CAD: variants seen among roughly 807,000 people sequenced by gnomAD.
CAD encodes the protein multifunctional protein CAD.
Under a neutral mutation model 237.2 loss-of-function variants are expected in CAD, and 81 were observed. The ratio of observed to expected loss-of-function variants is 0.34; its 90% CI spans 0.29 to 0.41. The LOEUF is 0.41. Among genes scored for constraint, CAD ranks in the 10% least tolerant of loss-of-function variants. CAD has a pLI of 1.00. For missense variants in CAD, 2,181 were observed against 2,951.7 expected (o/e 0.74, Z 6.05); for synonymous variants, 1,196 against 1,162.8 (o/e 1.03, Z -0.58).
chr2:27,234,932 A>G (rs1286651820), intron 23 of CAD, among the ~76,000 whole-genome samples: 2 of 152,234 alleles, frequency 1.3e-5, no homozygotes, highest in Admixed American at 6.5e-5. Flanking sequence ...ACCTGTAAAC[A>G]GAATGCTGCA....
rs772879200 is a variant in CAD at position 27,241,423 on chromosome 2, C to T, written c.5883+27C>T. Reference sequence around the variant, plus strand: ...TCAGGATCAGGGCCGGGGGTAGGGTCCAGGCCATCGCCTGCCCTTGGGCCG... The same window carrying T: ...TCAGGATCAGGGCCGGGGGTAGGGTTCAGGCCATCGCCTGCCCTTGGGCCG... On this transcript the variant is annotated intron_variant, in intron 38 of 43. Coordinates refer to ENST00000264705, the MANE Select transcript of CAD (RefSeq NM_004341.5). The surrounding 1 kb of genome is among the most constrained non-coding windows in gnomAD (Gnocchi z 4.6). 3.5e-5 allele frequency: 56 copies of T among 1,611,214 alleles called. No individual in the cohort carries two copies. Among genetic ancestry groups the T allele is most frequent in the Non-Finnish European group, 4.3e-5 (51 of 1,177,506 alleles).
rs61737363 is a variant in CAD, at chr2:27,226,572, G to A, written c.2079G>A (p.Leu693=). Residue 693 remains leucine, a synonymous_variant, in exon 14 of 44, where the codon CTG becomes CTA. Transcript: ENST00000264705. The part of the protein sequence containing the change: ...VNARLSRSSA[L]ASKATGYPLA... ...CCAGGCTCTCTCGCAGCTCTGCCCT[G>A]GCCAGTAAGGCCACAGGTTATCCAC... 2,558 of 1,614,100 alleles carry A rather than the reference G, an allele frequency of 1.6e-3. 35 individuals carry two copies. The African/African-American group carries it at 0.03, about 19-fold the overall frequency.
At chr2:27,234,942 A>G (rs1334096005) in intron 23 of CAD, among the ~76,000 whole-genome samples, 2 of 152,238 alleles carry the variant, frequency 1.3e-5, no homozygotes, top group African/African-American at 2.4e-5. Flanking sequence ...AGAATGCTGC[A>G]GGAGTTCAAG....
At chr2:27,220,802 C>G (rs1413183002) in intron 2 of CAD, among the ~76,000 whole-genome samples, 1 of 151,848 alleles carries the variant, frequency 6.6e-6, no homozygotes, top group Non-Finnish European at 1.5e-5. Context: ...ACTAAAAATA[C>G]AAAAAATTAG....
chr2:27,225,148 A>G lies in CAD; in HGVS notation c.1525A>G (p.Ile509Val), dbSNP rs1675371524. Reference sequence around the variant, plus strand: ...GGTCCTGGGCACACCAGTGGAGACCATTGAGCTGACCGAGGATCGACGGGC... The same window carrying G: ...GGTCCTGGGCACACCAGTGGAGACCGTTGAGCTGACCGAGGATCGACGGGC... ...VRVLGTPVETIELTEDRRAFA... is the reference protein window; with the variant it reads ...VRVLGTPVETVELTEDRRAFA... The change falls in exon 11 of 44, where the codon ATT (isoleucine) becomes GTT (valine). Residue 509 changes from isoleucine to valine, a missense_variant. By Grantham distance (29) the Ile-to-Val change is conservative (BLOSUM62 3). Coordinates refer to ENST00000264705, the MANE Select transcript of CAD (RefSeq NM_004341.5). 5 of 1,614,172 alleles carry G rather than the reference A, an allele frequency of 3.1e-6. No individual in the cohort carries two copies. The highest frequency in any genetic ancestry group is 2.2e-5 in the East Asian group (1 of 44,892).
At chr2:27,223,799 A>T in intron 7 of CAD, 51 bp downstream of exon 7, 1 of 1,599,514 alleles carries the variant, frequency 6.3e-7, no homozygotes, top group Non-Finnish European at 8.6e-7. Context: ...GTGGGCCTTG[A>T]TGATGGAAAA....
Position 27,242,214 on chromosome 2 carries a change from C to G in CAD, c.6097-88C>G. 1.3e-6 allele frequency: 2 copies of G among 1,583,002 alleles called. No individual in the cohort carries two copies. Among genetic ancestry groups the G allele is most frequent in the Non-Finnish European group, 8.6e-7 (1 of 1,160,986 alleles). The stretch of plus-strand genomic sequence containing the variant: ...TGCCCACGTTTTCTGTGTTTTGGGC[C>G]AGATGAGTGAGGGGACCCCAGAAGA... On this transcript the variant is annotated intron_variant, in intron 39 of 43. Coordinates refer to ENST00000264705, the MANE Select transcript of CAD (RefSeq NM_004341.5). This position sits in a 1 kb window ranked among gnomAD's most constrained non-coding sequence, Gnocchi z 6.4.
At position 27,233,989 on chromosome 2, in the gene CAD, G is replaced by C. The variant is rs777577425; in HGVS notation, c.3400-19G>C. 4 of 1,609,556 alleles carry C rather than the reference G, an allele frequency of 2.5e-6. No individual in the cohort carries two copies. Among genetic ancestry groups the C allele is most frequent in the Non-Finnish European group, 3.4e-6 (4 of 1,176,880 alleles). On this transcript the variant is annotated intron_variant, in intron 21 of 43. Coordinates refer to ENST00000264705, the MANE Select transcript of CAD (RefSeq NM_004341.5). The surrounding 1 kb of genome is among the most constrained non-coding windows in gnomAD (Gnocchi z 6.3). ...GAAGAAAGTGGCCCTATGTCCCACT[G>C]TCTGTGTCCCCCCGCTAGGAGATTG...
rs752828360 is a variant in CAD, at chr2:27,225,972, C to T, written c.1842+46C>T. 1.0e-5 allele frequency: 16 copies of T among 1,580,884 alleles called. No individual in the cohort carries two copies. The South Asian group carries it at 1.4e-4, about 14-fold the overall frequency. On this transcript the variant is annotated intron_variant, in intron 12 of 43. Transcript: ENST00000264705. Reference sequence around the variant, plus strand: ...TGGGCGTCGTGTCAGGCAGGATGAGCTTTTGGAAGAGCAGAGGCCCAGGCC... The same window carrying T: ...TGGGCGTCGTGTCAGGCAGGATGAGTTTTTGGAAGAGCAGAGGCCCAGGCC...
chr2:27,223,679 C>T lies in CAD; in HGVS notation c.926C>T (p.Ala309Val). ...VETDSLPADW[A>V]PLFTNANDGS... Reference sequence around the variant, plus strand: ...ACAGACTCACTGCCAGCAGACTGGGCTCCTCTCTTCACCAACGCCAATGAT... The same window carrying T: ...ACAGACTCACTGCCAGCAGACTGGGTTCCTCTCTTCACCAACGCCAATGAT... Residue 309 changes from alanine (A) to valine (V), a missense_variant, in exon 7 of 44, where the codon GCT (alanine) becomes GTT (valine). Transcript: ENST00000264705. 6.2e-7 allele frequency: 1 copy of T among 1,614,192 alleles called. No homozygotes were observed. The highest frequency in any genetic ancestry group is 8.5e-7 in the Non-Finnish European group (1 of 1,180,028).
At position 27,243,913 on chromosome 2, in the gene CAD, G is replaced by C; in HGVS notation, c.*395G>C. On this transcript the variant is annotated 3_prime_UTR_variant, in exon 44 of 44. Coordinates refer to ENST00000264705, the MANE Select transcript of CAD (RefSeq NM_004341.5). ...CCACACTCGGCATTTTCACACTCGTGACTCTTTGGGACTCGGCAGGAGCGT... is the reference window on the plus strand; with the variant it reads ...CCACACTCGGCATTTTCACACTCGTCACTCTTTGGGACTCGGCAGGAGCGT... 1 of 195,188 alleles carries C rather than the reference G, an allele frequency of 5.1e-6. No individual in the cohort carries two copies. Among genetic ancestry groups the C allele is most frequent in the Non-Finnish European group, 1.1e-5 (1 of 93,974 alleles). 12.1% of individuals were successfully genotyped at this position (195,188 alleles called of 1,614,324 possible).
chr2:27,225,719 T>C lies in CAD; in HGVS notation c.1635T>C (p.Ala545=). The C allele has an allele frequency of 1.2e-6, 2 of 1,613,992 alleles. No individual in the cohort carries two copies. The highest frequency in any genetic ancestry group is 1.7e-6 in the Non-Finnish European group (2 of 1,179,866). ...ANSLEQAQAA[A]ERLGYPVLVR... The stretch of plus-strand genomic sequence containing the variant: ...ACTCATTGCAGGCCCAGGCAGCCGC[T>C]GAACGGCTGGGGTACCCTGTGCTAG... The change falls in exon 12 of 44, where the codon GCT becomes GCC. Residue 545 remains alanine (A), a synonymous_variant. Transcript: ENST00000264705.
chr2:27,236,909 T>C lies in CAD; in HGVS notation c.4396+79T>C. 8.5e-7 allele frequency: 1 copy of C among 1,173,538 alleles called. No individual in the cohort carries two copies. The highest frequency in any genetic ancestry group is 1.3e-6 in the Non-Finnish European group (1 of 778,338). 72.7% of individuals were successfully genotyped at this position (1,173,538 alleles called of 1,614,324 possible). ...GACCTGCAGTGTGGTGAAGGATGGC[T>C]GGGGGGCCCACTCTTTGTCCTGGAC... On this transcript the variant is annotated intron_variant, in intron 27 of 43. Coordinates refer to ENST00000264705, the MANE Select transcript of CAD (RefSeq NM_004341.5). This position sits in a 1 kb window ranked among gnomAD's most constrained non-coding sequence, Gnocchi z 4.1.
rs1676124878 is a variant in CAD, at chr2:27,238,327, G to A, written c.4861-104G>A. The A allele has an allele frequency of 5.5e-6, 8 of 1,456,374 alleles. No individual in the cohort carries two copies. The East Asian group carries it at 1.6e-4, about 29-fold the overall frequency. The allele number at this position is 1,456,374 out of a possible 1,614,324, so 90.2% of individuals were successfully genotyped here. On this transcript the variant is annotated intron_variant, in intron 30 of 43. Transcript: ENST00000264705. Reference sequence around the variant, plus strand: ...AGGGTCTCGAGCCAGCACCCTTGCAGGTCTACATCATCATTTTTTGAGCAG... The same window carrying A: ...AGGGTCTCGAGCCAGCACCCTTGCAAGTCTACATCATCATTTTTTGAGCAG...
chr2:27,220,446 T>A (rs139159129), intron 2 of CAD, among the ~76,000 whole-genome samples: 1 of 149,444 alleles, frequency 6.7e-6, no homozygotes, highest in Non-Finnish European at 1.5e-5. Flanking sequence ...CCCAGGAAGT[T>A]TGAGAGCAGC....
rs1675308884 is a variant in CAD, at chr2:27,223,920, C to A, written c.999C>A (p.Val333=). 6.2e-7 allele frequency: 1 copy of A among 1,609,164 alleles called. No individual in the cohort carries two copies. The highest frequency in any genetic ancestry group is 8.5e-7 in the Non-Finnish European group (1 of 1,175,552). ...IVHNSLPFFS[V]QFHPEHQAGP... ...CATGATGCAATCTCTTCAATAGTGTCCAGTTTCACCCAGAGCACCAAGCTG... is the reference window on the plus strand; with the variant it reads ...CATGATGCAATCTCTTCAATAGTGTACAGTTTCACCCAGAGCACCAAGCTG... Residue 333 remains valine (V), a synonymous_variant, in exon 8 of 44, where the codon GTC becomes GTA. Transcript: ENST00000264705.
chr2:27,234,661 T>A lies in CAD; in HGVS notation c.3762T>A (p.Thr1254=). The change falls in exon 23 of 44, where the codon ACT becomes ACA. Residue 1254 remains threonine, a synonymous_variant. Transcript: ENST00000264705. The part of the protein sequence containing the change: ...GEEVEPVGLM[T]GSGVVGVKVP... ...AAGTGGAACCTGTGGGGCTAATGAC[T>A]GGTTCTGGAGTCGTGGGAGTAAAGG... 6.2e-7 allele frequency: 1 copy of A among 1,614,120 alleles called. No individual in the cohort carries two copies. Among genetic ancestry groups the A allele is most frequent in the Non-Finnish European group, 8.5e-7 (1 of 1,180,012 alleles).
At chr2:27,234,458 C>T (rs137936808) in intron 22 of CAD, 60 bp from the exon 23 acceptor site, 30 of 1,527,704 alleles carry the variant, frequency 2.0e-5, no homozygotes, top group Non-Finnish European at 2.6e-5. Flanking sequence ...GAGTCTAGGC[C>T]TATAGATAGT....
At position 27,234,272 on chromosome 2, in the gene CAD, G is replaced by T. The variant is rs899153389; in HGVS notation, c.3618+46G>T. On this transcript the variant is annotated intron_variant, in intron 22 of 43. Coordinates refer to ENST00000264705, the MANE Select transcript of CAD (RefSeq NM_004341.5). ...AACTAAAGGGCCACAGCTCTTGCAT[G>T]TTCTGTGCTGGCCACAGTGCCATGA... 3 of 1,545,396 alleles carry T rather than the reference G, an allele frequency of 1.9e-6. No homozygotes were observed. In the African/African-American group the frequency reaches 4.1e-5, roughly 21 times the overall value.
Sources: allele counts gnomAD v4.1 joint callset (sites outside exome capture counted in the v4.1 genomes callset), GRCh38; gene constraint gnomAD v4.1.1; non-coding constraint Gnocchi (gnomAD v3.1); transcripts MANE v1.5; gene names NCBI Gene and HGNC (gene_info 2026-07-23, HGNC 2026-07-21).